CCSER1: variants seen among roughly 807,000 people sequenced by gnomAD.
CCSER1 encodes the protein serine-rich coiled-coil domain-containing protein 1.
In CCSER1, 41 loss-of-function variants were observed where a neutral mutation model predicts 82.0. That is an observed-to-expected ratio of 0.50 (90% CI 0.39 to 0.65). The LOEUF is 0.65. Among genes scored for constraint, CCSER1 ranks in the 30% least tolerant of loss-of-function variants. CCSER1 has a pLI of 0.00. For missense variants in CCSER1, 1,119 were observed against 1,064.2 expected, an observed-to-expected ratio of 1.05 and a Z score of -0.72; for synonymous variants, 414 against 383.9, an observed-to-expected ratio of 1.08 and a Z score of -0.92.
intron 3 of CCSER1, among the ~76,000 whole-genome samples, chr4:90,320,607 T>A (rs1286149677): frequency 1.3e-5 from 2 of 152,190 alleles, no homozygotes; most frequent in Admixed American, 6.5e-5. Flanking sequence ...AATATCTTGG[T>A]CAAATATGGG....
chr4:90,365,403 C>T (rs778143961), intron 3 of CCSER1, among the ~76,000 whole-genome samples: 1 of 151,606 alleles, frequency 6.6e-6, no homozygotes, highest in African/African-American at 2.4e-5. Flanking sequence ...ACATACATTT[C>T]TAATATGTTC....
chr4:91,530,420 A>T (rs1478696271), intron 10 of CCSER1, among the ~76,000 whole-genome samples: 1 of 152,122 alleles, frequency 6.6e-6, no homozygotes, highest in Non-Finnish European at 1.5e-5. Flanking sequence ...GTCAATTCCC[A>T]TCTGTTATAT....
At chr4:90,390,940 A>G (rs1234878561) in intron 3 of CCSER1, among the ~76,000 whole-genome samples, 1 of 151,934 alleles carries the variant, frequency 6.6e-6, no homozygotes, top group Non-Finnish European at 1.5e-5. Flanking sequence ...GCAGCCTTGC[A>G]AGGATCTCTT....
intron 10 of CCSER1, among the ~76,000 whole-genome samples, chr4:91,280,918 G>C (rs1174062172): frequency 6.6e-6 from 1 of 152,102 alleles, no homozygotes; most frequent in Non-Finnish European, 1.5e-5. Flanking sequence ...TCTCAAAATG[G>C]TGTGGTGCTA....
chr4:90,416,059 T>C (rs1367210776), intron 4 of CCSER1, among the ~76,000 whole-genome samples: 2 of 152,238 alleles, frequency 1.3e-5, no homozygotes, highest in African/African-American at 2.4e-5. Context: ...AAACTTTCAG[T>C]TGTAAGATGA....
chr4:91,379,705 G>C (rs961635110), intron 10 of CCSER1, among the ~76,000 whole-genome samples: 3 of 152,104 alleles, frequency 2.0e-5, no homozygotes, highest in African/African-American at 7.2e-5. Context: ...CCAGGTCCTG[G>C]ATTCATTGAT....
At chr4:90,236,295 A>G (rs1745788477) in intron 1 of CCSER1, among the ~76,000 whole-genome samples, 1 of 152,168 alleles carries the variant, frequency 6.6e-6, no homozygotes, top group East Asian at 1.9e-4. Context: ...GTCTTAACTG[A>G]AAGCAAAAGC....
At chr4:90,671,822 A>G (rs1294095316) in intron 6 of CCSER1, among the ~76,000 whole-genome samples, 2 of 152,060 alleles carry the variant, frequency 1.3e-5, no homozygotes, top group East Asian at 3.9e-4. Context: ...TAACTCTTGA[A>G]AATCAAAATT....
intron 10 of CCSER1, among the ~76,000 whole-genome samples, chr4:91,370,592 A>C (rs1749966587): frequency 6.6e-6 from 1 of 151,928 alleles, no homozygotes; most frequent in Non-Finnish European, 1.5e-5. Context: ...GATACTCAGG[A>C]GGCTGAGGCA....
chr4:90,848,587 A>C (rs1246176676), intron 8 of CCSER1, among the ~76,000 whole-genome samples: 1 of 152,158 alleles, frequency 6.6e-6, no homozygotes, highest in Admixed American at 6.5e-5. Flanking sequence ...CTGATAACTC[A>C]TTTTAGTTAC....
intron 3 of CCSER1, among the ~76,000 whole-genome samples, chr4:90,330,868 A>C (rs1739155509): frequency 6.6e-6 from 1 of 152,142 alleles, no homozygotes; most frequent in South Asian, 2.1e-4. Flanking sequence ...TTTTTGATTC[A>C]GTGCAGTGGG....
At chr4:90,205,835 T>G (rs1240162009) in intron 1 of CCSER1, among the ~76,000 whole-genome samples, 3 of 152,168 alleles carry the variant, frequency 2.0e-5, no homozygotes, top group African/African-American at 4.8e-5. Context: ...CCTGGGCTTT[T>G]TTTGGTTGGT....
At chr4:90,890,535 G>C (rs1722808336) in intron 8 of CCSER1, among the ~76,000 whole-genome samples, 1 of 152,168 alleles carries the variant, frequency 6.6e-6, no homozygotes, top group Admixed American at 6.6e-5. Flanking sequence ...CAGACACTGA[G>C]AGCCTGAAAA....
chr4:91,123,509 A>T (rs563793244), intron 10 of CCSER1, among the ~76,000 whole-genome samples: 24 of 151,864 alleles, frequency 1.6e-4, no homozygotes, highest in Middle Eastern at 3.4e-3. Flanking sequence ...CTGCTAAAGC[A>T]TGGGGTCAGG....
At position 90,862,300 on chromosome 4, in the gene CCSER1, A is replaced by G. The variant is rs576977717; in HGVS notation, c.2094+46455A>G. On this transcript the variant is annotated intron_variant, in intron 8 of 10. Coordinates refer to ENST00000509176, the MANE Select transcript of CCSER1 (RefSeq NM_001145065.2). ...GGGCTGGTACTGTGTCCCCAAGACT[A>G]GTAAATAATTATGTACGTTAGAAAC... 3.9e-5 allele frequency among the ~76,000 whole-genome samples: 6 copies of G among 152,078 alleles called. No individual in the cohort carries two copies. The East Asian group carries it at 1.2e-3, about 30-fold the overall frequency.
intron 5 of CCSER1, among the ~76,000 whole-genome samples, chr4:90,598,642 A>G (rs1783659574): frequency 6.6e-6 from 1 of 152,064 alleles, no homozygotes; most frequent in South Asian, 2.1e-4. Context: ...TCCTTTGTCC[A>G]TTTTTTAATT....
At chr4:90,555,445 C>A (rs1369322799) in intron 5 of CCSER1, among the ~76,000 whole-genome samples, 1 of 152,006 alleles carries the variant, frequency 6.6e-6, no homozygotes, top group Non-Finnish European at 1.5e-5. Context: ...TCTTCATTTG[C>A]AAATGAGAAT....
chr4:90,480,597 G>T (rs935608044), intron 5 of CCSER1, among the ~76,000 whole-genome samples: 1 of 152,132 alleles, frequency 6.6e-6, no homozygotes, highest in Non-Finnish European at 1.5e-5. Flanking sequence ...TCTCCATGTG[G>T]CGAGGCAGTT....
At chr4:90,978,533 T>C (rs1055247543) in intron 9 of CCSER1, among the ~76,000 whole-genome samples, 70 of 150,978 alleles carry the variant, frequency 4.6e-4, no homozygotes, top group African/African-American at 1.7e-3. Flanking sequence ...GTTACAATAA[T>C]CTAATTTAGA....
Sources: gnomAD v4.1 joint callset for allele counts (sites outside exome capture counted in the v4.1 genomes callset) on GRCh38, gnomAD v4.1.1 for gene constraint, MANE v1.5 for transcripts, NCBI Gene and HGNC (gene_info 2026-07-23, HGNC 2026-07-21) for gene names.